The following RGL1 variants were observed in gnomAD, a reference collection of about 807,000 sequenced individuals.
RGL1 encodes the protein ral guanine nucleotide dissociation stimulator-like 1.
Under a neutral mutation model 95.2 loss-of-function variants are expected in RGL1, and 24 were observed. The ratio of observed to expected loss-of-function variants is 0.25; its 90% CI spans 0.18 to 0.35. The LOEUF is 0.35. Among genes scored for constraint, RGL1 ranks in the 10% least tolerant of loss-of-function variants. The pLI is 1.00. For missense variants in RGL1, 715 were observed against 936.3 expected, an observed-to-expected ratio of 0.76 and a Z score of 3.08; for synonymous variants, 329 against 344.9, an observed-to-expected ratio of 0.95 and a Z score of 0.51.
intron 1 of RGL1, among the ~76,000 whole-genome samples, chr1:183,723,169 TA>T (rs1275592518): frequency 1.3e-5 from 2 of 152,068 alleles, no homozygotes; most frequent in African/African-American, 2.4e-5. Context: ...GATGAATCAT[TA>T]AAAAATAAAG....
chr1:183,761,885 T>C (rs182723336), intron 2 of RGL1, among the ~76,000 whole-genome samples: 22 of 152,324 alleles, frequency 1.4e-4, no homozygotes, highest in African/African-American at 5.3e-4. Flanking sequence ...CACTTTTAAG[T>C]TATGGAGATG....
chr1:183,806,248 A>G (rs1661326980), intron 1 of RGL1, 127 bp from the exon 2 acceptor site: 1 of 644,548 alleles, frequency 1.6e-6, no homozygotes, highest in Non-Finnish European at 2.7e-6. Context: ...GGATTGTAAT[A>G]TTTATTTTGA....
At chr1:183,702,497 G>A (rs1252292030) in intron 1 of RGL1, among the ~76,000 whole-genome samples, 1 of 152,214 alleles carries the variant, frequency 6.6e-6, no homozygotes, top group Non-Finnish European at 1.5e-5. Flanking sequence ...TGGTTGCAAA[G>A]TCATTGCATA....
At chr1:183,682,287 GTT>G (rs1653272460) in intron 1 of RGL1, among the ~76,000 whole-genome samples, 1 of 151,876 alleles carries the variant, frequency 6.6e-6, no homozygotes, top group African/African-American at 2.4e-5. Context: ...ATCTTTCCTG[GTT>G]TCTCCTGTGG....
At chr1:183,660,206 A>C (rs994443836) in intron 1 of RGL1, among the ~76,000 whole-genome samples, 1 of 152,204 alleles carries the variant, frequency 6.6e-6, no homozygotes, top group African/African-American at 2.4e-5. Flanking sequence ...CACCCATAAC[A>C]ATATTAATTT....
At chr1:183,648,376 T>G in intron 1 of RGL1, 2 of 1,614,256 alleles carry the variant, frequency 1.2e-6, no homozygotes, top group African/African-American at 1.3e-5. Context: ...TACATTTTGC[T>G]GATGCAGCAG....
intron 4 of RGL1, among the ~76,000 whole-genome samples, chr1:183,878,093 G>A (rs182907839): frequency 1.3e-3 from 200 of 152,154 alleles, no homozygotes; most frequent in Non-Finnish European, 2.2e-3. Flanking sequence ...AGATCTAGAG[G>A]TAATGATGAA....
intron 10 of RGL1, among the ~76,000 whole-genome samples, chr1:183,898,718 C>A (rs1007178984): frequency 6.6e-6 from 1 of 152,076 alleles, no homozygotes; most frequent in Non-Finnish European, 1.5e-5. Context: ...ATAGCTGTTA[C>A]CAAAAAAATA....
At chr1:183,874,276 G>A (rs766894170) in intron 4 of RGL1, among the ~76,000 whole-genome samples, 9 of 152,152 alleles carry the variant, frequency 5.9e-5, no homozygotes, top group Middle Eastern at 3.2e-3. Context: ...GGATTTAACC[G>A]AGGCCTTAAC....
chr1:183,732,912 G>C (rs903968192), intron 1 of RGL1, among the ~76,000 whole-genome samples: 2 of 152,186 alleles, frequency 1.3e-5, no homozygotes, highest in African/African-American at 4.8e-5. Flanking sequence ...TTTGAAATTT[G>C]AGAGTAGAAT....
intron 16 of RGL1, among the ~76,000 whole-genome samples, chr1:183,917,932 A>T (rs1327216466): frequency 6.6e-6 from 1 of 152,174 alleles, no homozygotes; most frequent in African/African-American, 2.4e-5. Flanking sequence ...CAAGTTAGGA[A>T]GCTGCTATCA....
rs543679500 is a variant in RGL1, at chr1:183,872,168, G to A, written c.425+6095G>A. 2.4e-4 allele frequency among the ~76,000 whole-genome samples: 37 copies of A among 152,042 alleles called. 1 individual carries two copies. The highest frequency in any genetic ancestry group is 4.9e-4 in the Non-Finnish European group (33 of 67,980). On this transcript the variant is annotated intron_variant, in intron 4 of 17. Coordinates refer to ENST00000360851, the MANE Select transcript of RGL1 (RefSeq NM_001297671.3). ...TTAAATAATAAAATCTGAACCAGAT[G>A]GAAAAAGTGAATTGTCTCTAGGGCA...
intron 1 of RGL1, among the ~76,000 whole-genome samples, chr1:183,698,468 G>T (rs1325760870): frequency 1.3e-5 from 2 of 152,216 alleles, no homozygotes; most frequent in Non-Finnish European, 2.9e-5. Context: ...GAACAACCAT[G>T]CTATGTTTGA....
intron 1 of RGL1, among the ~76,000 whole-genome samples, chr1:183,691,014 A>T (rs1653915682): frequency 6.6e-6 from 1 of 152,230 alleles, no homozygotes; most frequent in South Asian, 2.1e-4. Flanking sequence ...TTGGATTTGT[A>T]GATTAAAGTA....
chr1:183,681,486 TGCATATGTTGA>T (rs1653209031), intron 1 of RGL1, among the ~76,000 whole-genome samples: 1 of 152,358 alleles, frequency 6.6e-6, no homozygotes, highest in African/African-American at 2.4e-5. Flanking sequence ...CTTATTAATT[TGCATATGTTGA>T]GCCAGCCTTG....
At chr1:183,776,401 G>A (rs2102343698) in intron 2 of RGL1, among the ~76,000 whole-genome samples, 1 of 152,014 alleles carries the variant, frequency 6.6e-6, no homozygotes, top group Admixed American at 6.5e-5. Context: ...GCCCGCCTCG[G>A]CCTCCCAAAG....
intron 2 of RGL1, among the ~76,000 whole-genome samples, chr1:183,749,255 A>G (rs1222570689): frequency 6.6e-6 from 1 of 152,174 alleles, no homozygotes; most frequent in East Asian, 1.9e-4. Flanking sequence ...TGGGAGTCTA[A>G]GTCTCATTGT....
intron 2 of RGL1, among the ~76,000 whole-genome samples, chr1:183,834,144 T>G (rs759215373): frequency 2.6e-5 from 4 of 152,092 alleles, no homozygotes; most frequent in Admixed American, 6.6e-5. Flanking sequence ...GTTGGCGTCT[T>G]ATCTGTCTAT....
chr1:183,639,282 CAAAAAAAAAAAAAAAA>C (rs1172046347), intron 1 of RGL1, among the ~76,000 whole-genome samples: 1 of 70,844 alleles, frequency 1.4e-5, no homozygotes, highest in African/African-American at 4.6e-5. Context: ...CACTTCATCT[CAAAAAAAAAAAAAAAA>C]GAAAAAAGAC....
Sources: gnomAD v4.1 joint callset for allele counts (sites outside exome capture counted in the v4.1 genomes callset) on GRCh38, gnomAD v4.1.1 for gene constraint, MANE v1.5 for transcripts, NCBI Gene and HGNC (gene_info 2026-07-23, HGNC 2026-07-21) for gene names.